Variants in MEI4 observed in about 807,000 individuals in gnomAD.
The protein encoded by MEI4 is meiotic double-stranded break formation protein 4, also known as meiosis-specific protein MEI4.
MEI4 carries 27 observed loss-of-function variants against 31.4 expected under a neutral mutation model. That is an observed-to-expected ratio of 0.86 (90% confidence interval 0.63 to 1.19). The LOEUF (loss-of-function observed/expected upper bound fraction) is 1.19, where lower values mean the gene tolerates loss of function less well. Ranked by LOEUF, MEI4 falls within the 50% of genes most tolerant of loss-of-function variation. MEI4 has a pLI of 0.00. For synonymous variants in MEI4, 122 were observed against 145.4 expected (o/e 0.84, Z 1.16); for missense variants, 329 against 398.9 (o/e 0.82, Z 1.49).
chr6:77,805,319 T>A (rs1316585231), intron 3 of MEI4, among the ~76,000 whole-genome samples: 3 of 152,148 alleles, frequency 2.0e-5, no homozygotes, highest in African/African-American at 4.8e-5. Context: ...TATGTTTTTC[T>A]TATTCAAGGT....
At chr6:77,685,640 C>G (rs1769041745) in intron 1 of MEI4, among the ~76,000 whole-genome samples, 1 of 152,008 alleles carries the variant, frequency 6.6e-6, no homozygotes, top group Non-Finnish European at 1.5e-5. Flanking sequence ...TTATGCAGCT[C>G]TTTCCCTATG....
chr6:77,707,319 A>G (rs1766355284), intron 2 of MEI4, among the ~76,000 whole-genome samples: 1 of 152,232 alleles, frequency 6.6e-6, no homozygotes. Context: ...CATAATGTGC[A>G]GTATCTGGTA....
chr6:77,882,975 G>T (rs1771523972), intron 4 of MEI4, among the ~76,000 whole-genome samples: 1 of 152,020 alleles, frequency 6.6e-6, no homozygotes, highest in African/African-American at 2.4e-5. Flanking sequence ...TTTGATGTTA[G>T]CTAATGATAG....
rs1452910300 is a variant in MEI4, at chr6:77,926,923, T to A, written c.*3577T>A. ...AAAAGTTAATTGATTCCGAATTATT[T>A]ATAGAATTGTATAATACAAAATTTA... On this transcript the variant is annotated 3_prime_UTR_variant, in exon 5 of 5. Coordinates refer to ENST00000684080, the MANE Select transcript of MEI4 (RefSeq NM_001322247.2). 6.6e-6 allele frequency: 1 copy of A among 151,916 alleles called. No individual in the cohort carries two copies. The highest frequency in any genetic ancestry group is 1.5e-5 in the Non-Finnish European group (1 of 67,910). 9.4% of individuals were successfully genotyped at this position (151,916 alleles called of 1,614,324 possible). A position where few individuals can be genotyped will look rare whatever the true frequency, so the allele number is the denominator to read the frequency against.
At chr6:77,736,814 C>A (rs186719649) in intron 2 of MEI4, among the ~76,000 whole-genome samples, 1 of 151,968 alleles carries the variant, frequency 6.6e-6, no homozygotes, top group South Asian at 2.1e-4. Context: ...AAGATACTAA[C>A]GTTCAGAGGA....
At chr6:77,774,306 C>T (rs189577182) in intron 3 of MEI4, among the ~76,000 whole-genome samples, 1 of 152,056 alleles carries the variant, frequency 6.6e-6, no homozygotes, top group Non-Finnish European at 1.5e-5. Flanking sequence ...GTGGTACATA[C>T]ACAGAATGAA....
In MEI4 at chr6:77,925,255, T is replaced by C. The variant is rs750672167; in HGVS notation, c.*1909T>C. On this transcript the variant is annotated 3_prime_UTR_variant, in exon 5 of 5. Coordinates refer to ENST00000684080, the MANE Select transcript of MEI4 (RefSeq NM_001322247.2). ...AAAATTAGCCTAGGAAATATATTTATTATAAAAGAAGATGCAAGATGTTGG... is the reference window on the plus strand; with the variant it reads ...AAAATTAGCCTAGGAAATATATTTACTATAAAAGAAGATGCAAGATGTTGG... The C allele has an allele frequency of 6.6e-5, 10 of 151,832 alleles. No individual in the cohort carries two copies. The highest frequency in any genetic ancestry group is 2.6e-4 in the Admixed American group (4 of 15,170). 9.4% of individuals were successfully genotyped at this position (151,832 alleles called of 1,614,324 possible).
intron 3 of MEI4, among the ~76,000 whole-genome samples, chr6:77,822,328 A>G (rs961257257): frequency 1.3e-5 from 2 of 152,158 alleles, no homozygotes; most frequent in African/African-American, 4.8e-5. Context: ...TAACCTATAG[A>G]TCCCTCTATA....
chr6:77,662,203 GA>G (rs1195483067), intron 1 of MEI4, among the ~76,000 whole-genome samples: 4 of 152,218 alleles, frequency 2.6e-5, no homozygotes, highest in Admixed American at 6.5e-5. Flanking sequence ...AGGTAGTGGA[GA>G]GGGGCAGAGT....
At chr6:77,707,396 A>G (rs886765987) in intron 2 of MEI4, among the ~76,000 whole-genome samples, 5 of 152,206 alleles carry the variant, frequency 3.3e-5, no homozygotes, top group African/African-American at 9.6e-5. Flanking sequence ...ACTGCCTATT[A>G]TCAGATGTCA....
chr6:77,825,339 T>C (rs1562003385), intron 3 of MEI4, among the ~76,000 whole-genome samples: 1 of 152,124 alleles, frequency 6.6e-6, no homozygotes, highest in Admixed American at 6.5e-5. Context: ...TGGTCATAAA[T>C]AGGCACAATT....
At chr6:77,852,648 G>A (rs1770655551) in intron 4 of MEI4, among the ~76,000 whole-genome samples, 1 of 148,338 alleles carries the variant, frequency 6.7e-6, no homozygotes, top group Admixed American at 6.8e-5. Context: ...ATTGGCAGCT[G>A]TTTCCTGATT....
intron 3 of MEI4, among the ~76,000 whole-genome samples, chr6:77,762,864 C>T (rs1283222604): frequency 6.6e-6 from 1 of 152,018 alleles, no homozygotes; most frequent in African/African-American, 2.4e-5. Context: ...ATCAGATTTG[C>T]CATAGTTGTA....
rs1432968084 is a variant in MEI4, at chr6:77,926,097, T to C, written c.*2751T>C. ...ATTCCACACTCCTACTTTACTGCAC[T>C]GCCTGTTATGTGCAGCTCTCCTGGC... On this transcript the variant is annotated 3_prime_UTR_variant, in exon 5 of 5. Coordinates refer to ENST00000684080, the MANE Select transcript of MEI4 (RefSeq NM_001322247.2). 6.6e-6 allele frequency: 1 copy of C among 151,930 alleles called. No homozygotes were observed. The highest frequency in any genetic ancestry group is 1.5e-5 in the Non-Finnish European group (1 of 67,934). The allele number at this position is 151,930 out of a possible 1,614,324, so 9.4% of individuals were successfully genotyped here. A position where few individuals can be genotyped will look rare whatever the true frequency, so the allele number is the denominator to read the frequency against.
intron 2 of MEI4, among the ~76,000 whole-genome samples, chr6:77,758,441 A>T (rs1206032294): frequency 6.6e-6 from 1 of 152,146 alleles, no homozygotes; most frequent in Non-Finnish European, 1.5e-5. Context: ...TTTCTGAAGG[A>T]CAAGAGCAGC....
chr6:77,865,121 A>T (rs1582230896), intron 4 of MEI4, among the ~76,000 whole-genome samples: 1 of 152,218 alleles, frequency 6.6e-6, no homozygotes, highest in East Asian at 1.9e-4. Context: ...TGCCCACAAG[A>T]GAAAGCAGAA....
At chr6:77,786,674 CTAA>C (rs1325748070) in intron 3 of MEI4, among the ~76,000 whole-genome samples, 2 of 151,970 alleles carry the variant, frequency 1.3e-5, no homozygotes, top group African/African-American at 4.8e-5. Context: ...AGAGAATCTA[CTAA>C]TGATTAGAAA....
chr6:77,926,238 AT>A lies in MEI4; in HGVS notation c.*2896del, dbSNP rs1348057170. ...GAAATTACTAGCTTATGATTAGCTTATTTTGGATTTTTTAATTGCTGTAAAC... is the reference window on the plus strand; with the variant it reads ...GAAATTACTAGCTTATGATTAGCTTATTTGGATTTTTTAATTGCTGTAAAC... On this transcript the variant is annotated 3_prime_UTR_variant, in exon 5 of 5. Transcript: ENST00000684080. The A allele has an allele frequency of 6.6e-6, 1 of 151,952 alleles. No homozygotes were observed. Among genetic ancestry groups the A allele is most frequent in the East Asian group, 1.9e-4 (1 of 5,150 alleles). The allele number at this position is 151,952 out of a possible 1,614,324, so 9.4% of individuals were successfully genotyped here.
chr6:77,839,618 T>G (rs1770309655), intron 4 of MEI4, among the ~76,000 whole-genome samples: 2 of 152,014 alleles, frequency 1.3e-5, no homozygotes, highest in South Asian at 4.1e-4. Flanking sequence ...AAACCCAAAC[T>G]TCAGAGTAAA....
Sources: gnomAD v4.1 joint callset for allele counts (sites outside exome capture counted in the v4.1 genomes callset) on GRCh38, gnomAD v4.1.1 for gene constraint, MANE v1.5 for transcripts, NCBI Gene and HGNC (gene_info 2026-07-23, HGNC 2026-07-21) for gene names.